FREM3: variants seen among roughly 807,000 people sequenced by gnomAD.
FREM3 encodes the protein FRAS1-related extracellular matrix protein 3.
In FREM3, 105 loss-of-function variants were observed where a neutral mutation model predicts 129.1. The ratio of observed to expected loss-of-function variants is 0.81; its 90% confidence interval spans 0.69 to 0.96. The LOEUF is 0.96. Among genes scored for constraint, FREM3 ranks in the 40% least tolerant of loss-of-function variants. The pLI is 0.00. For synonymous variants in FREM3, 1,014 were observed against 1,044.9 expected (o/e 0.97, Z 0.57); for missense variants, 2,593 against 2,666.3 (o/e 0.97, Z 0.61).
In FREM3 at chr4:143,624,133, C is replaced by A. The variant is rs968405393; in HGVS notation, c.5628G>T (p.Thr1876=). The change falls in exon 4 of 8, where the codon ACG becomes ACT. Residue 1876 remains threonine, a synonymous_variant. Transcript: ENST00000329798. The part of the protein sequence containing the change: ...MAVLEFPEMA[T]VEIVDPGDES... ...CATCTCCAGGGTCTACAATTTCAACCGTTGCCATTTCTGGAAACTCCAGTA... is the reference window on the plus strand; with the variant it reads ...CATCTCCAGGGTCTACAATTTCAACAGTTGCCATTTCTGGAAACTCCAGTA... The A allele has an allele frequency of 1.3e-6, 2 of 1,534,212 alleles. No individual in the cohort carries two copies. Among genetic ancestry groups the A allele is most frequent in the Non-Finnish European group, 1.7e-6 (2 of 1,144,182 alleles).
At chr4:143,692,351 T>A (rs1056711685) in intron 2 of FREM3, among the ~76,000 whole-genome samples, 1 of 152,196 alleles carries the variant, frequency 6.6e-6, no homozygotes, top group Non-Finnish European at 1.5e-5. Flanking sequence ...AGTTCCTGAC[T>A]GATTACACAT....
chr4:143,602,044 AC>A (rs1277944580), intron 6 of FREM3: 1 of 152,202 alleles, frequency 6.6e-6, no homozygotes, highest in Non-Finnish European at 1.5e-5. Flanking sequence ...CTAAATGAAA[AC>A]ATGCTTTCGT....
chr4:143,691,458 C>T (rs888667564), intron 2 of FREM3, among the ~76,000 whole-genome samples: 1 of 152,114 alleles, frequency 6.6e-6, no homozygotes, highest in African/African-American at 2.4e-5. Context: ...AACCTTGATT[C>T]TATTCCAGTA....
chr4:143,594,407 C>G (rs910639450), intron 6 of FREM3, among the ~76,000 whole-genome samples: 3 of 152,168 alleles, frequency 2.0e-5, no homozygotes, highest in Non-Finnish European at 2.9e-5. Flanking sequence ...GTCTTATGAA[C>G]TGTTCTCAAG....
chr4:143,666,212 T>C (rs992355538), intron 2 of FREM3, among the ~76,000 whole-genome samples: 1 of 152,112 alleles, frequency 6.6e-6, no homozygotes, highest in Non-Finnish European at 1.5e-5. Context: ...CATAGAACAA[T>C]GTTTCTACAT....
At chr4:143,664,483 C>T (rs1209703577) in intron 2 of FREM3, among the ~76,000 whole-genome samples, 2 of 152,110 alleles carry the variant, frequency 1.3e-5, no homozygotes, top group Non-Finnish European at 2.9e-5. Context: ...TGTGAGGTGT[C>T]AGTCTGCCCC....
At chr4:143,598,714 G>T (rs1056544995) in intron 6 of FREM3, among the ~76,000 whole-genome samples, 2 of 152,132 alleles carry the variant, frequency 1.3e-5, no homozygotes, top group Non-Finnish European at 2.9e-5. Context: ...TAAAATGGTT[G>T]TCCCATATGA....
chr4:143,603,074 T>A (rs1298071756), intron 6 of FREM3, among the ~76,000 whole-genome samples: 4 of 152,188 alleles, frequency 2.6e-5, no homozygotes, highest in Non-Finnish European at 5.9e-5. Flanking sequence ...AGGACTCTGA[T>A]TTTCAGTTTT....
At chr4:143,659,079 ATTATTTTTAT>A (rs892548234) in intron 2 of FREM3, among the ~76,000 whole-genome samples, 1 of 96,218 alleles carries the variant, frequency 1.0e-5, no homozygotes, top group Non-Finnish European at 2.2e-5. Context: ...TATTTTATTT[ATTATTTTTAT>A]TTATTATTAT....
At chr4:143,603,066 G>C (rs1339060528) in intron 6 of FREM3, among the ~76,000 whole-genome samples, 1 of 152,062 alleles carries the variant, frequency 6.6e-6, no homozygotes, top group Non-Finnish European at 1.5e-5. Flanking sequence ...TTAACCAGAG[G>C]ACTCTGATTT....
At chr4:143,688,497 A>T (rs1260207000) in intron 2 of FREM3, among the ~76,000 whole-genome samples, 1 of 152,104 alleles carries the variant, frequency 6.6e-6, no homozygotes, top group African/African-American at 2.4e-5. Context: ...ATACCACCAT[A>T]ATTATTCACA....
rs1238882332 is a variant in FREM3, at chr4:143,698,449, T to A, written c.2227A>T (p.Thr743Ser). 6.5e-7 allele frequency: 1 copy of A among 1,537,726 alleles called. No homozygotes were observed. Among genetic ancestry groups the A allele is most frequent in the African/African-American group, 1.4e-5 (1 of 73,016 alleles). ...GTGTCAGTCGGGAGTGTCAGTAGGGTGTACCATAGGTTCTGGTCATCAGAG... is the reference window on the plus strand; with the variant it reads ...GTGTCAGTCGGGAGTGTCAGTAGGGAGTACCATAGGTTCTGGTCATCAGAG... ...QDSDDQNLWYTLLTLPTDTDG... is the reference protein window; with the variant it reads ...QDSDDQNLWYSLLTLPTDTDG... Residue 743 changes from threonine (T) to serine (S), a missense_variant, in exon 1 of 8, where the codon ACC (threonine) becomes TCC (serine). Transcript: ENST00000329798.
chr4:143,593,420 A>C (rs1173666495), intron 6 of FREM3, among the ~76,000 whole-genome samples: 1 of 152,132 alleles, frequency 6.6e-6, no homozygotes, highest in East Asian at 1.9e-4. Context: ...TTTGGTGTGG[A>C]TGTCCTTTCT....
intron 6 of FREM3, chr4:143,602,090 A>C (rs1738582790): frequency 6.6e-6 from 1 of 152,208 alleles, no homozygotes; most frequent in Admixed American, 6.5e-5. Context: ...CTAAAAAGGA[A>C]GCATTATTGG....
chr4:143,686,146 G>A (rs576722121), intron 2 of FREM3, among the ~76,000 whole-genome samples: 2 of 152,092 alleles, frequency 1.3e-5, no homozygotes, highest in African/African-American at 2.4e-5. Context: ...TCATGCAAAC[G>A]GACACCAAAA....
At chr4:143,591,020 T>C (rs987616366) in intron 6 of FREM3, among the ~76,000 whole-genome samples, 1 of 152,232 alleles carries the variant, frequency 6.6e-6, no homozygotes, top group African/African-American at 2.4e-5. Flanking sequence ...TCTAGTTTAT[T>C]TGCATAGAGG....
intron 2 of FREM3, among the ~76,000 whole-genome samples, chr4:143,684,048 C>T (rs1377370773): frequency 6.6e-6 from 1 of 152,128 alleles, no homozygotes; most frequent in Non-Finnish European, 1.5e-5. Flanking sequence ...GCCCCTCCCT[C>T]ACATGATGGG....
intron 6 of FREM3, among the ~76,000 whole-genome samples, chr4:143,587,317 C>T (rs138278728): frequency 1.9e-4 from 29 of 152,336 alleles, no homozygotes; most frequent in African/African-American, 6.5e-4. Context: ...ATTCTTCACT[C>T]TGTGCTTCCC....
At chr4:143,632,033 C>A (rs527295609) in intron 2 of FREM3, among the ~76,000 whole-genome samples, 4 of 152,114 alleles carry the variant, frequency 2.6e-5, no homozygotes. Flanking sequence ...TGTGTTAATG[C>A]ACTCCAGAAT....
Sources: gnomAD v4.1 joint callset for allele counts (sites outside exome capture counted in the v4.1 genomes callset) on GRCh38, gnomAD v4.1.1 for gene constraint, MANE v1.5 for transcripts, NCBI Gene and HGNC (gene_info 2026-07-23, HGNC 2026-07-21) for gene names.